The following DOCK6 variants were observed in gnomAD, a reference collection of about 807,000 sequenced individuals.
DOCK6 encodes dedicator of cytokinesis 6.
A neutral mutation model predicts 230.3 loss-of-function variants in DOCK6; 167 were observed. That is an observed-to-expected ratio of 0.73 (90% confidence interval 0.64 to 0.82). The LOEUF (loss-of-function observed/expected upper bound fraction) is 0.82, where lower values mean the gene tolerates loss of function less well. Among genes scored for constraint, DOCK6 ranks in the 40% least tolerant of loss-of-function variants. The pLI is 0.00. For synonymous variants in DOCK6, 1,148 were observed against 1,185.0 expected (o/e 0.97, Z 0.64); for missense variants, 2,598 against 2,825.8 (o/e 0.92, Z 1.83).
intron 1 of DOCK6, among the ~76,000 whole-genome samples, chr19:11,254,747 C>A (rs940560959): frequency 1.3e-5 from 2 of 151,448 alleles, no homozygotes; most frequent in Non-Finnish European, 2.9e-5. Flanking sequence ...GGGGACTCTG[C>A]AGGAATGTGG....
chr19:11,250,852 A>G lies in DOCK6; in HGVS notation c.720+22T>C, dbSNP rs1188233509. 6 of 1,590,334 alleles carry G rather than the reference A, an allele frequency of 3.8e-6. No homozygotes were observed. In the South Asian group the frequency reaches 5.5e-5, roughly 15 times the overall value. The stretch of plus-strand genomic sequence containing the variant: ...GCACCCAGTAAATGCTGGTTGGCTG[A>G]TATCTGGGAAGGGGCACCCACCTCG... On this transcript the variant is annotated intron_variant, in intron 6 of 47. Coordinates refer to ENST00000294618, the MANE Select transcript of DOCK6 (RefSeq NM_020812.4).
chr19:11,259,641 T>C (rs8112333), intron 1 of DOCK6, among the ~76,000 whole-genome samples: 4,199 of 138,226 alleles, frequency 0.03, 192 homozygotes, highest in African/African-American at 0.1. Flanking sequence ...CACTGCAACC[T>C]CTACCTCCCA....
At chr19:11,227,278 T>C in intron 24 of DOCK6, 59 bp downstream of exon 24, 19 of 1,591,278 alleles carry the variant, frequency 1.2e-5, no homozygotes, top group Non-Finnish European at 1.5e-5. Flanking sequence ...CGCCCCCACC[T>C]GGCTGGCTCT....
intron 1 of DOCK6, among the ~76,000 whole-genome samples, chr19:11,258,757 TTC>T (rs34254024): frequency 0.21 from 31,565 of 147,546 alleles, 3,545 homozygotes; most frequent in East Asian, 0.39. Context: ...AAACTTTTCT[TTC>T]TCTCTCTTTT....
intron 14 of DOCK6, chr19:11,238,640 A>C (rs797001723): frequency 1.1e-5 from 3 of 261,258 alleles, no homozygotes; most frequent in African/African-American, 2.2e-5. Context: ...CAGAGTTCCA[A>C]GGTACCTCAG....
At chr19:11,212,197 C>A in intron 35 of DOCK6, 46 bp from the exon 36 acceptor site, 1 of 1,583,070 alleles carries the variant, frequency 6.3e-7, no homozygotes. Flanking sequence ...TCTCAGACCC[C>A]AGACCCCACA....
intron 22 of DOCK6, among the ~76,000 whole-genome samples, chr19:11,231,201 C>T (rs75535455): frequency 6.6e-6 from 1 of 152,196 alleles, no homozygotes; most frequent in Non-Finnish European, 1.5e-5. Context: ...TGTAAGGAAG[C>T]AAGCCCTGTG....
At position 11,244,451 on chromosome 19, in the gene DOCK6, C is replaced by CTTTTT. The variant is rs56722117; in HGVS notation, c.1024-574_1024-570dup. Among the ~76,000 whole-genome samples, 128 of 40,260 alleles carry CTTTTT rather than the reference C, an allele frequency of 3.2e-3. 29 individuals carry two copies. Among genetic ancestry groups the CTTTTT allele is most frequent in the African/African-American group, 9.5e-3 (71 of 7,468 alleles). 26.4% of individuals were successfully genotyped at this position (40,260 alleles called of 152,430 possible). ...TACAGGCATGACCCACCACACCTGG[C>CTTTTT]TTTTTTTTTTTTTTTTTTTTTTTTT... is the stretch of plus-strand genomic sequence containing the variant. On this transcript the variant is annotated intron_variant, in intron 9 of 47. Coordinates refer to ENST00000294618, the MANE Select transcript of DOCK6 (RefSeq NM_020812.4).
Position 11,233,254 on chromosome 19 carries a change from G to A in DOCK6, c.2667C>T (p.Ala889=), listed in dbSNP as rs376076003. The A allele has an allele frequency of 9.3e-6, 15 of 1,613,798 alleles. No homozygotes were observed. The highest frequency in any genetic ancestry group is 1.6e-4 in the Middle Eastern group (1 of 6,062). The change falls in exon 22 of 48, where the codon GCC becomes GCT. Residue 889 remains alanine (A), a synonymous_variant. Coordinates refer to ENST00000294618, the MANE Select transcript of DOCK6 (RefSeq NM_020812.4). ...CGTCATCCACAGAGCCAGGGGCCAC[G>A]GCGAGGTCAGGGTTGCTGCTGCTGA... ...KSISSSNPDL[A]VAPGSVDDEV... is the part of the protein sequence containing the mutation.
At chr19:11,229,729 G>A (rs1219785046) in intron 22 of DOCK6, among the ~76,000 whole-genome samples, 1 of 151,868 alleles carries the variant, frequency 6.6e-6, no homozygotes, top group Non-Finnish European at 1.5e-5. Flanking sequence ...TATGGGAGAA[G>A]AACGTGAGGC....
At chr19:11,241,608 G>A (rs2079945944) in intron 14 of DOCK6, 13 of 1,559,220 alleles carry the variant, frequency 8.3e-6, no homozygotes, top group African/African-American at 1.4e-5. Flanking sequence ...GGCGCACAGG[G>A]CAGCTGGAAA....
rs866097027 is a variant in DOCK6 at position 11,215,051 on chromosome 19, T to A, written c.4106+336A>T. ...TCCGCCTCCCGGGTTCACACCATTC[T>A]CCTGCCTCAGCCTCGCTAGTAGCTG... On this transcript the variant is annotated intron_variant, in intron 32 of 47. Coordinates refer to ENST00000294618, the MANE Select transcript of DOCK6 (RefSeq NM_020812.4). Among the ~76,000 whole-genome samples the A allele has an allele frequency of 1.8e-4, 28 of 151,766 alleles. 1 individual carries two copies. The South Asian group carries it at 4.8e-3, about 26-fold the overall frequency.
Position 11,202,785 on chromosome 19 carries a change from C to T in DOCK6, c.5236-76G>A, listed in dbSNP as rs1600843400. 8 of 1,601,508 alleles carry T rather than the reference C, an allele frequency of 5.0e-6. No homozygotes were observed. The highest frequency in any genetic ancestry group is 3.4e-4 in the Middle Eastern group (2 of 5,950). On this transcript the variant is annotated intron_variant, in intron 41 of 47. Coordinates refer to ENST00000294618, the MANE Select transcript of DOCK6 (RefSeq NM_020812.4). The surrounding 1 kb of genome is among the most constrained non-coding windows in gnomAD (Gnocchi z 5.3). The stretch of plus-strand genomic sequence containing the variant: ...CTCCCTGCCCCAGAGATAGGTGTCT[C>T]GAATATCAGGATGGGAGTGTGAGGA...
intron 18 of DOCK6, chr19:11,237,214 A>G (rs2079862918): frequency 1.7e-6 from 1 of 603,324 alleles, no homozygotes; most frequent in South Asian, 2.0e-5. Context: ...GGCAGGGGAC[A>G]GTGATCAGGA....
At chr19:11,251,180 G>C in intron 5 of DOCK6, 94 bp from the exon 6 acceptor site, 1 of 1,270,576 alleles carries the variant, frequency 7.9e-7, no homozygotes, top group Non-Finnish European at 1.1e-6. Context: ...CTAGAGATGG[G>C]GAAATTGAGG....
intron 14 of DOCK6, among the ~76,000 whole-genome samples, chr19:11,239,147 G>T (rs1417842125): frequency 3.3e-5 from 5 of 152,068 alleles, no homozygotes; most frequent in African/African-American, 1.2e-4. Flanking sequence ...TGGAGATCAG[G>T]CTGTGTGACC....
At position 11,261,577 on chromosome 19, in the gene DOCK6, AC is replaced by A. The variant is rs538082864; in HGVS notation, c.44+819del. On this transcript the variant is annotated intron_variant, in intron 1 of 47. Transcript: ENST00000294618. The stretch of plus-strand genomic sequence containing the variant: ...TTCTGAACGCACCCTTGTCGCAAAG[AC>A]CCCCCGCCAACTGGGGGCGAGGCTT... Among the ~76,000 whole-genome samples the A allele has an allele frequency of 3.7e-3, 564 of 151,000 alleles. 8 individuals carry two copies. Among genetic ancestry groups the A allele is most frequent in the Admixed American group, 0.016 (238 of 15,122 alleles).
At position 11,222,420 on chromosome 19, in the gene DOCK6, TGA is replaced by T. The variant is rs1196183708; in HGVS notation, c.3241-174_3241-173del. On this transcript the variant is annotated intron_variant, in intron 26 of 47. Coordinates refer to ENST00000294618, the MANE Select transcript of DOCK6 (RefSeq NM_020812.4). This position sits in a 1 kb window ranked among gnomAD's most constrained non-coding sequence, Gnocchi z 4.0. ...TGGGCATGGGTTTCAAGGCCAGAAGTGAGGGGCTGACGTTAACCCATCTGTGA... is the reference window on the plus strand; with the variant it reads ...TGGGCATGGGTTTCAAGGCCAGAAGTGGGGCTGACGTTAACCCATCTGTGA... 1.1e-6 allele frequency: 1 copy of T among 937,674 alleles called. No homozygotes were observed. Among genetic ancestry groups the T allele is most frequent in the African/African-American group, 1.7e-5 (1 of 59,828 alleles). The allele number at this position is 937,674 out of a possible 1,614,324, so 58.1% of individuals were successfully genotyped here. A position where few individuals can be genotyped will look rare whatever the true frequency, so the allele number is the denominator to read the frequency against.
At position 11,250,897 on chromosome 19, in the gene DOCK6, T is replaced by C. The variant is rs1442494531; in HGVS notation, c.697A>G (p.Thr233Ala). ...ACCTCGTCAGGTGCCGGGTAGAGGGTGAGCAGGGCCGGGGGCCGGTGCTGC... is the reference window on the plus strand; with the variant it reads ...ACCTCGTCAGGTGCCGGGTAGAGGGCGAGCAGGGCCGGGGGCCGGTGCTGC... ...RRQHRPPALLTLYPAPDEDEA... is the reference protein window; with the variant it reads ...RRQHRPPALLALYPAPDEDEA... Residue 233 changes from threonine (T) to alanine (A), a missense_variant, in exon 6 of 48, where the codon ACC becomes GCC. By Grantham distance (58) the Thr-to-Ala change is moderately conservative. Coordinates refer to ENST00000294618, the MANE Select transcript of DOCK6 (RefSeq NM_020812.4). 6.2e-7 allele frequency: 1 copy of C among 1,602,740 alleles called. No individual in the cohort carries two copies. Among genetic ancestry groups the C allele is most frequent in the Non-Finnish European group, 8.5e-7 (1 of 1,171,058 alleles).
Sources: gnomAD v4.1 joint callset for allele counts (sites outside exome capture counted in the v4.1 genomes callset) on GRCh38, gnomAD v4.1.1 for gene constraint, Gnocchi (gnomAD v3.1) non-coding constraint, MANE v1.5 for transcripts, NCBI Gene and HGNC (gene_info 2026-07-23, HGNC 2026-07-21) for gene names.